IFT74: variants seen among roughly 807,000 people sequenced by gnomAD.
The protein encoded by IFT74 is intraflagellar transport protein 74 homolog.
Under a neutral mutation model 96.7 loss-of-function variants are expected in IFT74, and 92 were observed. The ratio of observed to expected loss-of-function variants is 0.95; its 90% CI spans 0.80 to 1.13. IFT74 has a LOEUF of 1.13. Among genes scored for constraint, IFT74 ranks in the 50% most tolerant of loss-of-function variants. The pLI, the probability that IFT74 is intolerant of heterozygous loss-of-function variation, is 0.00. For synonymous variants in IFT74, 223 were observed against 213.2 expected (o/e 1.05, Z -0.40); for missense variants, 811 against 698.2 (o/e 1.16, Z -1.82).
chr9:27,018,897 AACAAT>A (rs771335143), intron 12 of IFT74, among the ~76,000 whole-genome samples: 2 of 152,126 alleles, frequency 1.3e-5, no homozygotes, highest in Non-Finnish European at 2.9e-5. Flanking sequence ...ATTTAATGTA[AACAAT>A]TTAAAACATT....
At chr9:26,973,478 T>A (rs1161344052) in intron 2 of IFT74, among the ~76,000 whole-genome samples, 1 of 152,172 alleles carries the variant, frequency 6.6e-6, no homozygotes, top group Non-Finnish European at 1.5e-5. Context: ...ACTTGAAGTT[T>A]TTCTCGATTC....
rs141842015 is a variant in IFT74 at position 26,971,300 on chromosome 9, G to C, written c.121-6828G>C. Among the ~76,000 whole-genome samples the C allele has an allele frequency of 9.9e-5, 15 of 151,996 alleles. No individual in the cohort carries two copies. The East Asian group carries it at 2.9e-3, about 29-fold the overall frequency. On this transcript the variant is annotated intron_variant, in intron 2 of 19. Coordinates refer to ENST00000380062, the MANE Select transcript of IFT74 (RefSeq NM_025103.4). ...TGATTTTCTTAGAGCTTGCTTATTA[G>C]TTTTTTTTATATATTAAGCAACTCT...
At chr9:27,024,641 A>G (rs537379656) in intron 12 of IFT74, among the ~76,000 whole-genome samples, 1 of 152,328 alleles carries the variant, frequency 6.6e-6, no homozygotes, top group East Asian at 1.9e-4. Flanking sequence ...CACTAGTACC[A>G]GCAGTGGATC....
rs550290253 is a variant in IFT74 at position 27,048,067 on chromosome 9, T to C, written c.1207-81T>C. 7.6e-6 allele frequency: 7 copies of C among 923,532 alleles called. No individual in the cohort carries two copies. The Admixed American group carries it at 1.9e-4, about 25-fold the overall frequency. The allele number at this position is 923,532 out of a possible 1,614,324, so 57.2% of individuals were successfully genotyped here. ...TACCTGATCCAAACATCTCATCCTT[T>C]GACAGTGTTTTCCAAGAGTTTTATT... is the stretch of plus-strand genomic sequence containing the variant. On this transcript the variant is annotated intron_variant, in intron 15 of 19. Coordinates refer to ENST00000380062, the MANE Select transcript of IFT74 (RefSeq NM_025103.4).
chr9:27,016,140 C>T (rs1461677015), intron 10 of IFT74, among the ~76,000 whole-genome samples: 2 of 152,142 alleles, frequency 1.3e-5, no homozygotes, highest in Admixed American at 6.6e-5. Flanking sequence ...AGTCTGAAAT[C>T]ACGGTGTCAG....
intron 13 of IFT74, among the ~76,000 whole-genome samples, chr9:27,030,073 G>A (rs1187774752): frequency 2.0e-5 from 3 of 152,124 alleles, no homozygotes; most frequent in Non-Finnish European, 4.4e-5. Context: ...AGGAGGTTGA[G>A]CATCAGTTTC....
At chr9:26,978,335 A>G in intron 3 of IFT74, 72 bp downstream of exon 3, 2 of 1,494,868 alleles carry the variant, frequency 1.3e-6, no homozygotes, top group Non-Finnish European at 1.8e-6. Flanking sequence ...GAACAATTTA[A>G]AAAAGTAAAA....
At chr9:26,964,983 A>G (rs1305724619) in intron 2 of IFT74, among the ~76,000 whole-genome samples, 2 of 152,194 alleles carry the variant, frequency 1.3e-5, no homozygotes, top group African/African-American at 4.8e-5. Context: ...TCCTGTAAAG[A>G]TAATTATTAC....
At chr9:26,995,663 G>A (rs1441515132) in intron 8 of IFT74, 4 of 1,613,832 alleles carry the variant, frequency 2.5e-6, no homozygotes, top group Non-Finnish European at 3.4e-6. Context: ...AAGAGAGCTT[G>A]GATTTCCAGT....
chr9:26,962,971 G>C (rs972908859), intron 2 of IFT74, among the ~76,000 whole-genome samples: 11 of 106,260 alleles, frequency 1.0e-4, no homozygotes, highest in African/African-American at 3.1e-4. Context: ...TTATTTTTTT[G>C]TTATACTTTA....
rs1356353421 is a variant in IFT74 at position 27,063,546 on chromosome 9, A to G, written c.*810A>G. Among the ~76,000 whole-genome samples the G allele has an allele frequency of 1.3e-5, 2 of 152,090 alleles. No homozygotes were observed. The highest frequency in any genetic ancestry group is 1.9e-4 in the East Asian group (1 of 5,198). Reference sequence around the variant, plus strand: ...GAGAGAGGCATAGAGTCTGGAAGACATTATATTAACTGTAGATGTATCTTC... The same window carrying G: ...GAGAGAGGCATAGAGTCTGGAAGACGTTATATTAACTGTAGATGTATCTTC... On this transcript the variant is annotated 3_prime_UTR_variant, in exon 20 of 20. Coordinates refer to ENST00000380062, the MANE Select transcript of IFT74 (RefSeq NM_025103.4).
intron 10 of IFT74, among the ~76,000 whole-genome samples, chr9:27,014,889 G>A (rs1563976051): frequency 2.0e-5 from 3 of 152,232 alleles, no homozygotes; most frequent in African/African-American, 7.2e-5. Context: ...TTACAGGCGT[G>A]AGCTATCACG....
chr9:27,001,247 A>C (rs533965330), intron 8 of IFT74, among the ~76,000 whole-genome samples: 1 of 152,212 alleles, frequency 6.6e-6, no homozygotes, highest in East Asian at 1.9e-4. Flanking sequence ...TGCTCTTGTG[A>C]ATAGTCCTCC....
intron 4 of IFT74, 198 bp from the exon 5 acceptor site, chr9:26,984,059 C>T (rs549248682): frequency 6.6e-5 from 24 of 365,596 alleles, no homozygotes; most frequent in African/African-American, 5.2e-4. Context: ...GTTGGGATTA[C>T]AGGCTTGACC....
chr9:26,973,197 G>A (rs1826954166), intron 2 of IFT74, among the ~76,000 whole-genome samples: 1 of 152,210 alleles, frequency 6.6e-6, no homozygotes, highest in Non-Finnish European at 1.5e-5. Flanking sequence ...GAATTTGGCT[G>A]AGAATGGTGT....
chr9:26,953,057 G>C (rs1825982852), upstream of IFT74, among the ~76,000 whole-genome samples: 1 of 152,134 alleles, frequency 6.6e-6, no homozygotes, highest in African/African-American at 2.4e-5. Context: ...GAACAAATAA[G>C]AAAGTTTGTG....
At chr9:27,029,550 C>G (rs1469569188) in intron 13 of IFT74, among the ~76,000 whole-genome samples, 1 of 151,782 alleles carries the variant, frequency 6.6e-6, no homozygotes, top group East Asian at 1.9e-4. Flanking sequence ...GAGTTCGAGA[C>G]CAGCCTGACC....
chr9:27,026,830 T>G (rs79664130), intron 12 of IFT74, among the ~76,000 whole-genome samples: 4,499 of 152,184 alleles, frequency 0.03, 221 homozygotes, highest in African/African-American at 0.1. Context: ...AAGCAGTGCC[T>G]AGAGGAACAT....
At chr9:26,987,801 C>T (rs1056446810) in intron 6 of IFT74, among the ~76,000 whole-genome samples, 6 of 152,090 alleles carry the variant, frequency 3.9e-5, no homozygotes, top group South Asian at 2.1e-4. Context: ...GGTAAATATC[C>T]TATGTTGACA....
Sources: allele counts gnomAD v4.1 joint callset (sites outside exome capture counted in the v4.1 genomes callset), GRCh38; gene constraint gnomAD v4.1.1; transcripts MANE v1.5; gene names NCBI Gene and HGNC (gene_info 2026-07-23, HGNC 2026-07-21).